DIS3L2: variants seen among roughly 807,000 people sequenced by gnomAD.
DIS3L2 encodes DIS3-like exonuclease 2.
In DIS3L2, 34 loss-of-function variants were observed where a neutral mutation model predicts 97.5. The observed-to-expected ratio is 0.35, with a 90% CI of 0.27 to 0.46. The LOEUF (loss-of-function observed/expected upper bound fraction) is 0.46. DIS3L2 is among the 20% of genes least tolerant of loss of function. DIS3L2 has a pLI of 1.00. For missense variants in DIS3L2, 1,038 were observed against 1,146.0 expected, an observed-to-expected ratio of 0.91 and a Z score of 1.36; for synonymous variants, 435 against 445.2, an observed-to-expected ratio of 0.98 and a Z score of 0.29.
intron 13 of DIS3L2, among the ~76,000 whole-genome samples, chr2:232,265,357 C>T (rs1293309798): frequency 6.6e-6 from 1 of 152,202 alleles, no homozygotes; most frequent in Non-Finnish European, 1.5e-5. Flanking sequence ...TCTTGTGATT[C>T]TAACTACTAA....
intron 6 of DIS3L2, among the ~76,000 whole-genome samples, chr2:232,096,880 G>A (rs538618959): frequency 1.2e-4 from 19 of 152,052 alleles, no homozygotes; most frequent in Admixed American, 1.0e-3. Flanking sequence ...TGAATTTTCT[G>A]TCTGAAAGGT....
chr2:232,083,048 G>C (rs1363636847), intron 5 of DIS3L2, among the ~76,000 whole-genome samples: 2 of 127,206 alleles, frequency 1.6e-5, no homozygotes, highest in Non-Finnish European at 3.3e-5. Context: ...ACTATCATGA[G>C]AACAGCACAG....
rs1461938932 is a variant in DIS3L2 at position 232,223,254 on chromosome 2, A to T, written c.1204+12849A>T. Among the ~76,000 whole-genome samples the T allele has an allele frequency of 3.3e-5, 5 of 152,232 alleles. 1 individual carries two copies. Among genetic ancestry groups the T allele is most frequent in the Admixed American group, 3.3e-4 (5 of 15,286 alleles). ...AGTGATCCAACACACTCACTGCTTGATGAGAGACAGTTGTGGTACACCAGA... is the reference window on the plus strand; with the variant it reads ...AGTGATCCAACACACTCACTGCTTGTTGAGAGACAGTTGTGGTACACCAGA... On this transcript the variant is annotated intron_variant, in intron 10 of 20. Coordinates refer to ENST00000325385, the MANE Select transcript of DIS3L2 (RefSeq NM_152383.5).
At chr2:231,989,550 CAG>C (rs1693525790) in intron 1 of DIS3L2, among the ~76,000 whole-genome samples, 1 of 151,906 alleles carries the variant, frequency 6.6e-6, no homozygotes, top group South Asian at 2.1e-4. Flanking sequence ...AGAAAAGGGA[CAG>C]GGGACTGGGC....
intron 9 of DIS3L2, among the ~76,000 whole-genome samples, chr2:232,171,091 C>T (rs886724997): frequency 3.9e-5 from 6 of 152,192 alleles, no homozygotes; most frequent in South Asian, 2.1e-4. Flanking sequence ...CTCCCCAGGG[C>T]CTAGCTAGGT....
At chr2:232,155,758 A>G (rs913489726) in intron 8 of DIS3L2, among the ~76,000 whole-genome samples, 1 of 152,166 alleles carries the variant, frequency 6.6e-6, no homozygotes, top group Non-Finnish European at 1.5e-5. Flanking sequence ...TGGGAGGCCG[A>G]GGCGGGCAGA....
intron 5 of DIS3L2, among the ~76,000 whole-genome samples, chr2:232,078,001 CTTTCTTTCTTTCTTTCTTTT>C (rs1429543423): frequency 1.5e-4 from 19 of 126,474 alleles, no homozygotes; most frequent in Non-Finnish European, 2.6e-4. Flanking sequence ...TTCTTTCTTT[CTTTCTTTCTTTCTTTCTTTT>C]TCTCTTTCTC....
At chr2:232,080,339 T>C (rs961012558) in intron 5 of DIS3L2, among the ~76,000 whole-genome samples, 7 of 152,084 alleles carry the variant, frequency 4.6e-5, no homozygotes, top group African/African-American at 1.4e-4. Flanking sequence ...TGAATATAAG[T>C]CTGAAGATGG....
At chr2:232,066,217 A>G (rs920911458) in intron 5 of DIS3L2, among the ~76,000 whole-genome samples, 1 of 151,872 alleles carries the variant, frequency 6.6e-6, no homozygotes, top group Non-Finnish European at 1.5e-5. Context: ...CTTGTTCTTG[A>G]TCTTATGAGG....
intron 3 of DIS3L2, 22 bp from the exon 4 acceptor site, chr2:232,024,255 A>G (rs1399130662): frequency 3.2e-6 from 5 of 1,552,184 alleles, no homozygotes; most frequent in Admixed American, 2.0e-5. Context: ...GATTTTCACA[A>G]ACTTTATTTT....
chr2:232,163,922 G>A (rs1235381931), intron 9 of DIS3L2, among the ~76,000 whole-genome samples: 2 of 152,152 alleles, frequency 1.3e-5, no homozygotes, highest in African/African-American at 4.8e-5. Context: ...AGATTTCTGC[G>A]ACCATAAAGT....
At chr2:232,247,484 G>T (rs557381687) in intron 11 of DIS3L2, among the ~76,000 whole-genome samples, 1 of 151,928 alleles carries the variant, frequency 6.6e-6, no homozygotes, top group South Asian at 2.1e-4. Context: ...TCTCTTTCTT[G>T]TCTTATAAAG....
intron 5 of DIS3L2, among the ~76,000 whole-genome samples, chr2:232,086,329 A>G (rs918838174): frequency 5.5e-5 from 8 of 145,012 alleles, no homozygotes; most frequent in African/African-American, 1.8e-4. Flanking sequence ...ATGCATATGC[A>G]TATGTATATA....
At chr2:232,220,475 C>T (rs1692467608) in intron 10 of DIS3L2, among the ~76,000 whole-genome samples, 1 of 151,992 alleles carries the variant, frequency 6.6e-6, no homozygotes, top group Non-Finnish European at 1.5e-5. Flanking sequence ...TTAGGGAGGC[C>T]GAGGCGGGCA....
At chr2:232,138,855 C>A (rs1559669422) in intron 8 of DIS3L2, among the ~76,000 whole-genome samples, 1 of 152,160 alleles carries the variant, frequency 6.6e-6, no homozygotes, top group Non-Finnish European at 1.5e-5. Context: ...AAGTATCGGA[C>A]TTCCTTTGCC....
At chr2:232,089,802 T>G (rs528316267) in intron 6 of DIS3L2, among the ~76,000 whole-genome samples, 4 of 152,290 alleles carry the variant, frequency 2.6e-5, no homozygotes, top group African/African-American at 7.2e-5. Flanking sequence ...GAAATACTGA[T>G]GGATGGAAGT....
At chr2:232,242,635 A>G (rs1693131672) in intron 11 of DIS3L2, among the ~76,000 whole-genome samples, 1 of 152,200 alleles carries the variant, frequency 6.6e-6, no homozygotes, top group Non-Finnish European at 1.5e-5. Flanking sequence ...TGAGGCTAAT[A>G]TAAGGTTTTA....
At chr2:232,342,909 G>A (rs888201159) in intron 13 of DIS3L2, among the ~76,000 whole-genome samples, 1 of 152,140 alleles carries the variant, frequency 6.6e-6, no homozygotes, top group Non-Finnish European at 1.5e-5. Context: ...GCAGAAGAGT[G>A]TGCCCCAGCC....
intron 5 of DIS3L2, among the ~76,000 whole-genome samples, chr2:232,036,389 C>T (rs1417225815): frequency 6.6e-6 from 1 of 152,186 alleles, no homozygotes; most frequent in Non-Finnish European, 1.5e-5. Context: ...ATGTTCTTCT[C>T]TAAACTGGTT....
Sources: allele counts gnomAD v4.1 joint callset (sites outside exome capture counted in the v4.1 genomes callset), GRCh38; gene constraint gnomAD v4.1.1; transcripts MANE v1.5; gene names NCBI Gene and HGNC (gene_info 2026-07-23, HGNC 2026-07-21).